Variants in CDH13 observed in about 807,000 individuals in gnomAD.
CDH13 encodes cadherin-13.
In CDH13, 24 loss-of-function variants were observed where a neutral mutation model predicts 63.8. The observed-to-expected ratio is 0.38, with a 90% CI of 0.27 to 0.53. CDH13 has a LOEUF of 0.53. CDH13 is among the 20% of genes least tolerant of loss of function. The probability of loss-of-function intolerance (pLI) is 0.85; values close to 1 mark genes in which losing one functional copy is unlikely to be tolerated. For missense variants in CDH13, 1,049 were observed against 903.1 expected, an observed-to-expected ratio of 1.16 and a Z score of -2.07; for synonymous variants, 503 against 355.3, an observed-to-expected ratio of 1.42 and a Z score of -4.67.
chr16:83,652,830 C>G (rs941640463), intron 8 of CDH13, among the ~76,000 whole-genome samples: 1 of 152,186 alleles, frequency 6.6e-6, no homozygotes, highest in African/African-American at 2.4e-5. Context: ...GGCATAAGTC[C>G]TCCCAAAACT....
intron 5 of CDH13, among the ~76,000 whole-genome samples, chr16:83,249,131 G>A (rs554845038): frequency 2.0e-5 from 3 of 152,116 alleles, no homozygotes; most frequent in Non-Finnish European, 2.9e-5. Context: ...CCTTCATGTC[G>A]TTCTCCCTGA....
At chr16:83,580,367 G>A (rs1905449878) in intron 7 of CDH13, among the ~76,000 whole-genome samples, 1 of 151,664 alleles carries the variant, frequency 6.6e-6, no homozygotes, top group African/African-American at 2.4e-5. Flanking sequence ...CTTAGTAATT[G>A]ATTAAATTGG....
rs140322723 is a variant in CDH13 at position 83,287,752 on chromosome 16, A to C, written c.637-57110A>C. Among the ~76,000 whole-genome samples, 602 of 152,290 alleles carry C rather than the reference A, an allele frequency of 4.0e-3. 5 individuals carry two copies. Among genetic ancestry groups the C allele is most frequent in the African/African-American group, 0.011 (445 of 41,564 alleles). On this transcript the variant is annotated intron_variant, in intron 5 of 13. Coordinates refer to ENST00000567109, the MANE Select transcript of CDH13 (RefSeq NM_001257.5). ...ATTTAATGTGCTTGAATCATCCCCA[A>C]GTCATCCCCTCACCTCCTCCTGGTC...
At chr16:83,586,200 C>T (rs4238701) in intron 7 of CDH13, among the ~76,000 whole-genome samples, 144,339 of 152,254 alleles carry the variant, frequency 0.95, 68,535 homozygotes, top group Non-Finnish European at 0.97. Context: ...GGTCCGCAGC[C>T]TGGGGCTAGA....
intron 6 of CDH13, among the ~76,000 whole-genome samples, chr16:83,466,067 C>T (rs2073306660): frequency 6.6e-6 from 1 of 152,170 alleles, no homozygotes. Context: ...TCTCTCGAGG[C>T]AGGACCACCC....
At chr16:83,429,197 G>A (rs753837090) in intron 6 of CDH13, among the ~76,000 whole-genome samples, 86 of 152,306 alleles carry the variant, frequency 5.6e-4, no homozygotes, top group Non-Finnish European at 1.0e-3. Flanking sequence ...GCATTTACGA[G>A]AAGGTCCTTT....
chr16:83,167,718 A>C (rs2151722899), intron 4 of CDH13, among the ~76,000 whole-genome samples: 1 of 151,896 alleles, frequency 6.6e-6, no homozygotes, highest in East Asian at 1.9e-4. Flanking sequence ...CCTATTTTTA[A>C]AATTATTCTC....
chr16:82,768,218 A>T lies in CDH13; in HGVS notation c.46-90144A>T, dbSNP rs533354493. 8.5e-5 allele frequency among the ~76,000 whole-genome samples: 13 copies of T among 152,330 alleles called. No homozygotes were observed. In the South Asian group the frequency reaches 2.7e-3, roughly 32 times the overall value. ...CTAAATTGCAAGCTGATGTCTTACT[A>T]TTGACAGGAATAAAGTTTCATAAGG... On this transcript the variant is annotated intron_variant, in intron 1 of 13. Transcript: ENST00000567109.
intron 6 of CDH13, among the ~76,000 whole-genome samples, chr16:83,375,844 C>A (rs568586681): frequency 6.6e-6 from 1 of 152,092 alleles, no homozygotes; most frequent in East Asian, 1.9e-4. Flanking sequence ...GGAGATGTGA[C>A]TTGAGGGTAG....
intron 2 of CDH13, among the ~76,000 whole-genome samples, chr16:82,905,921 C>T (rs897837972): frequency 2.9e-4 from 44 of 152,238 alleles, no homozygotes; most frequent in African/African-American, 9.9e-4. Flanking sequence ...TTTCTCTTTT[C>T]CCAGGCTCTG....
chr16:83,629,099 C>T (rs556227040), intron 8 of CDH13, among the ~76,000 whole-genome samples: 3 of 152,118 alleles, frequency 2.0e-5, no homozygotes, highest in Non-Finnish European at 4.4e-5. Flanking sequence ...GTATTTGTAA[C>T]AGACTAGATT....
chr16:83,094,332 G>A (rs2034084652), intron 3 of CDH13, among the ~76,000 whole-genome samples: 1 of 152,270 alleles, frequency 6.6e-6, no homozygotes. Context: ...TTTGGGAAAT[G>A]TTCTCAGGAG....
chr16:83,723,529 T>C (rs1909965600), intron 10 of CDH13, among the ~76,000 whole-genome samples: 2 of 152,146 alleles, frequency 1.3e-5, no homozygotes, highest in Admixed American at 1.3e-4. Context: ...TCCTTTTCAC[T>C]TCAGTCTCAC....
At chr16:83,228,102 G>C (rs2039896130) in intron 5 of CDH13, among the ~76,000 whole-genome samples, 1 of 152,226 alleles carries the variant, frequency 6.6e-6, no homozygotes, top group African/African-American at 2.4e-5. Flanking sequence ...AAAGTCTCCT[G>C]AGGGCAGGAA....
chr16:83,035,147 C>T (rs914535084), intron 3 of CDH13, among the ~76,000 whole-genome samples: 1 of 152,120 alleles, frequency 6.6e-6, no homozygotes, highest in African/African-American at 2.4e-5. Context: ...AAAAGAATCC[C>T]TCTGAAGAGA....
intron 1 of CDH13, among the ~76,000 whole-genome samples, chr16:82,628,153 G>A (rs956463481): frequency 6.6e-6 from 1 of 152,230 alleles, no homozygotes; most frequent in Non-Finnish European, 1.5e-5. Context: ...CTGCTCAGGG[G>A]CCTGTGGTTT....
At chr16:83,211,307 C>T (rs2039331316) in intron 4 of CDH13, among the ~76,000 whole-genome samples, 1 of 152,132 alleles carries the variant, frequency 6.6e-6, no homozygotes, top group Admixed American at 6.6e-5. Flanking sequence ...ATGAAGGGTA[C>T]ATGGGAACTC....
intron 4 of CDH13, among the ~76,000 whole-genome samples, chr16:83,216,948 T>G (rs903259613): frequency 6.6e-6 from 1 of 152,142 alleles, no homozygotes; most frequent in Non-Finnish European, 1.5e-5. Flanking sequence ...ACCTGGAATC[T>G]TGATCAATGC....
At chr16:83,222,208 A>G (rs889936188) in intron 5 of CDH13, among the ~76,000 whole-genome samples, 8 of 152,214 alleles carry the variant, frequency 5.3e-5, no homozygotes, top group Non-Finnish European at 8.8e-5. Context: ...CACATTTCAT[A>G]CTATATAACT....
Sources: allele counts gnomAD v4.1 joint callset (sites outside exome capture counted in the v4.1 genomes callset), GRCh38; gene constraint gnomAD v4.1.1; transcripts MANE v1.5; gene names NCBI Gene and HGNC (gene_info 2026-07-23, HGNC 2026-07-21).